PTPRS: variants seen among roughly 807,000 people sequenced by gnomAD.
PTPRS encodes the protein receptor-type tyrosine-protein phosphatase S.
In PTPRS, 63 loss-of-function variants were observed where a neutral mutation model predicts 215.3. The ratio of observed to expected loss-of-function variants is 0.29; its 90% CI spans 0.24 to 0.36. The LOEUF (loss-of-function observed/expected upper bound fraction) is 0.36. Ranked by LOEUF, PTPRS falls within the 10% of genes least tolerant of loss-of-function variation. The pLI is 1.00. For missense variants in PTPRS, 2,258 were observed against 2,825.8 expected, an observed-to-expected ratio of 0.80 and a Z score of 4.56; for synonymous variants, 1,404 against 1,191.4, an observed-to-expected ratio of 1.18 and a Z score of -3.68.
At chr19:5,260,972 T>C (rs1413527170) in intron 6 of PTPRS, 150 bp from the exon 7 acceptor site, 3 of 926,928 alleles carry the variant, frequency 3.2e-6, no homozygotes, top group Non-Finnish European at 5.0e-6. Context: ...ATACGGACCC[T>C]GCGGGCTTTG....
chr19:5,227,561 T>C (rs1049981114), intron 16 of PTPRS, among the ~76,000 whole-genome samples: 1 of 152,058 alleles, frequency 6.6e-6, no homozygotes, highest in African/African-American at 2.4e-5. Flanking sequence ...ATTACAGGCA[T>C]GCGCCACCAC....
chr19:5,224,125 G>C lies in PTPRS; in HGVS notation c.2495-828C>G, dbSNP rs560831728. Among the ~76,000 whole-genome samples the C allele has an allele frequency of 4.1e-4, 62 of 152,150 alleles. No homozygotes were observed. In the Middle Eastern group the frequency reaches 0.014, roughly 33 times the overall value. ...ACCCAGGAGGCAGAGGTTGCAGGGA[G>C]CCAAGATCGTGCCACTGCACTCCAG... On this transcript the variant is annotated intron_variant, in intron 17 of 37. Transcript: ENST00000262963.
At chr19:5,289,137 G>A (rs1423828452) in intron 1 of PTPRS, among the ~76,000 whole-genome samples, 5 of 152,138 alleles carry the variant, frequency 3.3e-5, no homozygotes, top group African/African-American at 1.2e-4. Flanking sequence ...TCCTCCCTAG[G>A]AGAACCTCCC....
At chr19:5,286,811 C>A (rs1275807171) in intron 1 of PTPRS, among the ~76,000 whole-genome samples, 1 of 152,078 alleles carries the variant, frequency 6.6e-6, no homozygotes, top group South Asian at 2.1e-4. Context: ...AGTCCCCAAC[C>A]CAGGCTGGGC....
At chr19:5,302,537 C>T (rs1008781903) in intron 1 of PTPRS, among the ~76,000 whole-genome samples, 3 of 152,158 alleles carry the variant, frequency 2.0e-5, no homozygotes, top group Non-Finnish European at 2.9e-5. Flanking sequence ...ATCCCATGGT[C>T]GCTGGATACT....
In PTPRS at chr19:5,222,853, T is replaced by C; in HGVS notation, c.2939A>G (p.Glu980Gly). 2 of 1,591,708 alleles carry C rather than the reference T, an allele frequency of 1.3e-6. No homozygotes were observed. Among genetic ancestry groups the C allele is most frequent in the Non-Finnish European group, 1.7e-6 (2 of 1,175,312 alleles). ...REAGALGPARETELPAAAEPG... is the reference protein window; with the variant it reads ...REAGALGPARGTELPAAAEPG... ...CTCAGCCGCTGCCGGCAGCTCAGTC[T>C]CTCGGGCAGGGCCCAGGGCACCGGC... Residue 980 changes from glutamate (E) to glycine (G), a missense_variant, in exon 18 of 38, where the codon GAG (glutamate) becomes GGG (glycine). This residue lies in a region of PTPRS where 361 missense variants were observed against 332.6 expected (regional missense o/e 1.09). Coordinates refer to ENST00000262963, the MANE Select transcript of PTPRS (RefSeq NM_002850.4).
Position 5,257,938 on chromosome 19 carries a change from C to T in PTPRS, c.706+79G>A, listed in dbSNP as rs934672133. On this transcript the variant is annotated intron_variant, in intron 8 of 37. Transcript: ENST00000262963. The surrounding 1 kb of genome is among the most constrained non-coding windows in gnomAD (Gnocchi z 4.4). ...TGGGTGTGCAGGGGACGGGGGAGCC[C>T]GGAGGCGGTGAGCCCGAGGAGGGAG... The T allele has an allele frequency of 1.4e-5, 18 of 1,269,034 alleles. No homozygotes were observed. The highest frequency in any genetic ancestry group is 2.4e-5 in the East Asian group (1 of 42,256). The allele number at this position is 1,269,034 out of a possible 1,614,324, so 78.6% of individuals were successfully genotyped here.
At chr19:5,334,159 A>C (rs1332436517) in intron 1 of PTPRS, among the ~76,000 whole-genome samples, 2 of 152,236 alleles carry the variant, frequency 1.3e-5, no homozygotes, top group African/African-American at 2.4e-5. Flanking sequence ...GCCTTGATTA[A>C]GCAGCCAGTG....
intron 1 of PTPRS, among the ~76,000 whole-genome samples, chr19:5,316,002 G>C (rs1180203478): frequency 6.6e-6 from 1 of 151,598 alleles, no homozygotes; most frequent in East Asian, 1.9e-4. Context: ...GCCTAGTCTA[G>C]AGCTCCTGGC....
At chr19:5,318,836 G>GT (rs1568611668) in intron 1 of PTPRS, among the ~76,000 whole-genome samples, 1 of 152,034 alleles carries the variant, frequency 6.6e-6, no homozygotes. Flanking sequence ...TTTTAAAAAA[G>GT]TTTTTCCTGG....
chr19:5,322,036 C>T (rs2050037058), intron 1 of PTPRS, among the ~76,000 whole-genome samples: 1 of 152,220 alleles, frequency 6.6e-6, no homozygotes, highest in Admixed American at 6.5e-5. Context: ...TTTGGGTAAA[C>T]TGAGGCTCAG....
rs2050623955 is a variant in PTPRS at position 5,339,722 on chromosome 19, G to A, written c.-95+942C>T. On this transcript the variant is annotated intron_variant, in intron 1 of 37. Transcript: ENST00000262963. This position sits in a 1 kb window ranked among gnomAD's most constrained non-coding sequence, Gnocchi z 4.2. ...CGCCCCGCGCCCCCTTTAACCCAGT[G>A]CCGACGGCCCCGCCCCCGGTATGAC... Among the ~76,000 whole-genome samples, 1 of 151,806 alleles carries A rather than the reference G, an allele frequency of 6.6e-6. No homozygotes were observed. Among genetic ancestry groups the A allele is most frequent in the Non-Finnish European group, 1.5e-5 (1 of 67,888 alleles).
chr19:5,327,155 C>T (rs901011713), intron 1 of PTPRS, among the ~76,000 whole-genome samples: 5 of 152,250 alleles, frequency 3.3e-5, no homozygotes, highest in Non-Finnish European at 7.3e-5. Flanking sequence ...GCCCGCCAAT[C>T]TGCTCTCCGC....
In PTPRS at chr19:5,240,181, G is replaced by C. The variant is rs936073587; in HGVS notation, c.1704+18C>G. The C allele has an allele frequency of 7.2e-6, 11 of 1,518,776 alleles. No individual in the cohort carries two copies. The highest frequency in any genetic ancestry group is 4.4e-4 in the Middle Eastern group (2 of 4,536). 94.1% of individuals were successfully genotyped at this position (1,518,776 alleles called of 1,614,324 possible). A position where few individuals can be genotyped will look rare whatever the true frequency, so the allele number is the denominator to read the frequency against. ...GGAGGAGCCCAGGGCAGGCCAGCCC[G>C]TCCCCGCGCTGCCTCACCTCCCGGC... On this transcript the variant is annotated intron_variant, in intron 12 of 37. Coordinates refer to ENST00000262963, the MANE Select transcript of PTPRS (RefSeq NM_002850.4).
intron 12 of PTPRS, among the ~76,000 whole-genome samples, chr19:5,239,745 CAGAG>C (rs1362562052): frequency 1.3e-5 from 2 of 151,046 alleles, no homozygotes; most frequent in Admixed American, 6.6e-5. Flanking sequence ...GAGACAGAGA[CAGAG>C]AGACAGAAAG....
At chr19:5,254,391 G>A (rs1025438932) in intron 9 of PTPRS, among the ~76,000 whole-genome samples, 2 of 149,696 alleles carry the variant, frequency 1.3e-5, no homozygotes, top group Non-Finnish European at 3.0e-5. Flanking sequence ...TGGGGTTGGT[G>A]GTTAAAAATC....
intron 1 of PTPRS, among the ~76,000 whole-genome samples, chr19:5,317,833 C>T (rs1217410891): frequency 6.6e-6 from 1 of 151,840 alleles, no homozygotes; most frequent in African/African-American, 2.4e-5. Flanking sequence ...CTCAGGAGTT[C>T]GGGACCACCC....
At chr19:5,297,944 C>G (rs1374688767) in intron 1 of PTPRS, among the ~76,000 whole-genome samples, 1 of 151,990 alleles carries the variant, frequency 6.6e-6, no homozygotes, top group African/African-American at 2.4e-5. Context: ...AGGCGCACAC[C>G]ACCACGCCCG....
intron 1 of PTPRS, among the ~76,000 whole-genome samples, chr19:5,323,234 C>T (rs547658549): frequency 1.3e-5 from 2 of 152,230 alleles, no homozygotes; most frequent in African/African-American, 4.8e-5. Flanking sequence ...TGGCACATGC[C>T]TGTAATCCCA....
Sources: gnomAD v4.1 joint callset for allele counts (sites outside exome capture counted in the v4.1 genomes callset) on GRCh38, gnomAD v4.1.1 for gene constraint, gnomAD v4.1.1 regional missense constraint, Gnocchi (gnomAD v3.1) non-coding constraint, MANE v1.5 for transcripts, NCBI Gene and HGNC (gene_info 2026-07-23, HGNC 2026-07-21) for gene names.